Variants in ARID1A observed in about 807,000 individuals in gnomAD.
The protein encoded by ARID1A is AT-rich interactive domain-containing protein 1A.
Under a neutral mutation model 212.6 loss-of-function variants are expected in ARID1A, and 20 were observed. That is an observed-to-expected ratio of 0.09 (90% CI 0.07 to 0.14). The LOEUF is 0.14. ARID1A is among the 10% of genes least tolerant of loss of function. The pLI is 1.00. For synonymous variants in ARID1A, 1,376 were observed against 1,222.1 expected (o/e 1.13, Z -2.63); for missense variants, 2,587 against 3,059.0 (o/e 0.85, Z 3.64).
At position 26,774,482 on chromosome 1, in the gene ARID1A, G is replaced by A. The variant is rs771808733; in HGVS notation, c.4255G>A (p.Ala1419Thr). The A allele has an allele frequency of 6.2e-7, 1 of 1,613,626 alleles. No homozygotes were observed. The highest frequency in any genetic ancestry group is 8.5e-7 in the Non-Finnish European group (1 of 1,179,734). The change falls in exon 18 of 20, where the codon GCC becomes ACC. Residue 1419 changes from alanine to threonine, a missense_variant. Physicochemically the swap from Ala to Thr is moderately conservative, Grantham distance 58. Transcript: ENST00000324856. This position sits in a 1 kb window ranked among gnomAD's most constrained non-coding sequence, Gnocchi z 5.6. ...CCAGCCTGCCAGCCAGCAACAAGCT[G>A]CCCAGCCTTCCCCTCAGCAAGATGT... is the stretch of plus-strand genomic sequence containing the variant. ...QPQPASQQQA[A>T]QPSPQQDVYN... is the part of the protein sequence containing the mutation.
intron 4 of ARID1A, among the ~76,000 whole-genome samples, chr1:26,759,482 A>G (rs1161224516): frequency 6.6e-6 from 1 of 152,192 alleles, no homozygotes; most frequent in African/African-American, 2.4e-5. Flanking sequence ...GGCTGGGACT[A>G]CAGGCATGAG....
chr1:26,753,465 T>C (rs2080902147), intron 4 of ARID1A, among the ~76,000 whole-genome samples: 2 of 152,238 alleles, frequency 1.3e-5, no homozygotes. Flanking sequence ...ACTGAAGAAA[T>C]GAAGGCTTTC....
intron 4 of ARID1A, among the ~76,000 whole-genome samples, chr1:26,738,373 TAATTTA>T (rs1283203835): frequency 6.6e-6 from 1 of 152,178 alleles, no homozygotes; most frequent in Non-Finnish European, 1.5e-5. Context: ...ATCTCAAGTG[TAATTTA>T]AATTACTTAT....
At chr1:26,738,238 G>C (rs2124799222) in intron 4 of ARID1A, among the ~76,000 whole-genome samples, 1 of 152,214 alleles carries the variant, frequency 6.6e-6, no homozygotes, top group Admixed American at 6.5e-5. Context: ...TGGCCAGACT[G>C]GTCTCGAACT....
rs922383490 is a variant in ARID1A at position 26,696,664 on chromosome 1, A to C, written c.261A>C (p.Gly87=). The change falls in exon 1 of 20, where the codon GGA becomes GGC. Residue 87 remains glycine (G), a synonymous_variant. Transcript: ENST00000324856. ...GCAATGGGGGTGGCGGCGGCGGCGGAGCCGGCAGCGGCGGCGGGCCCGGCG... is the reference window on the plus strand; with the variant it reads ...GCAATGGGGGTGGCGGCGGCGGCGGCGCCGGCAGCGGCGGCGGGCCCGGCG... ...AESNGGGGGG[G]AGSGGGPGAE... 353 of 1,310,238 alleles carry C rather than the reference A, an allele frequency of 2.7e-4. 1 individual carries two copies. The highest frequency in any genetic ancestry group is 8.7e-4 in the Middle Eastern group (3 of 3,450). The allele number at this position is 1,310,238 out of a possible 1,614,324, so 81.2% of individuals were successfully genotyped here.
chr1:26,759,127 G>A (rs1055017723), intron 4 of ARID1A, among the ~76,000 whole-genome samples: 9 of 152,182 alleles, frequency 5.9e-5, no homozygotes, highest in Non-Finnish European at 8.8e-5. Context: ...TGTGTGAGCA[G>A]GAATAGACTC....
chr1:26,748,730 G>A (rs543587943), intron 4 of ARID1A, among the ~76,000 whole-genome samples: 40 of 151,804 alleles, frequency 2.6e-4, no homozygotes, highest in African/African-American at 9.7e-4. Context: ...TTGGGGGGCA[G>A]GGTGACTGGT....
intron 4 of ARID1A, among the ~76,000 whole-genome samples, chr1:26,740,179 G>A (rs1283908615): frequency 6.6e-6 from 1 of 152,038 alleles, no homozygotes; most frequent in African/African-American, 2.4e-5. Context: ...TTTTGCTATG[G>A]GTGTTATGTA....
In ARID1A at chr1:26,771,050, G is replaced by T. The variant is rs903999128; in HGVS notation, c.3199-69G>T. ...AGATGAATACCTTACAGCCTGATGGGGCTTGGGGCTTATGGGCAGGAAAAC... is the reference window on the plus strand; with the variant it reads ...AGATGAATACCTTACAGCCTGATGGTGCTTGGGGCTTATGGGCAGGAAAAC... On this transcript the variant is annotated intron_variant, in intron 11 of 19. Coordinates refer to ENST00000324856, the MANE Select transcript of ARID1A (RefSeq NM_006015.6). This position sits in a 1 kb window ranked among gnomAD's most constrained non-coding sequence, Gnocchi z 5.4. 58 of 1,414,092 alleles carry T rather than the reference G, an allele frequency of 4.1e-5. No individual in the cohort carries two copies. Among genetic ancestry groups the T allele is most frequent in the Non-Finnish European group, 5.7e-5 (57 of 1,000,694 alleles). 87.6% of individuals were successfully genotyped at this position (1,414,092 alleles called of 1,614,324 possible). A position where few individuals can be genotyped will look rare whatever the true frequency, so the allele number is the denominator to read the frequency against.
rs2124107157 is a variant in ARID1A at position 26,772,876 on chromosome 1, C to T, written c.3604C>T (p.Arg1202Trp). The T allele has an allele frequency of 6.8e-6, 11 of 1,614,102 alleles. No individual in the cohort carries two copies. Among genetic ancestry groups the T allele is most frequent in the Non-Finnish European group, 8.5e-6 (10 of 1,180,038 alleles). ...TGGAAGTGACTCCACATTCCAGAAG[C>T]GGAATTCCATGACTCCAAACCCTGG... The part of the protein sequence containing the change: ...NDGSDSTFQK[R>W]NSMTPNPGYQ... The change falls in exon 14 of 20, where the codon CGG (arginine) becomes TGG (tryptophan). Residue 1202 changes from arginine to tryptophan, a missense_variant. Physicochemically the swap from Arg to Trp is moderately radical, Grantham distance 101. Transcript: ENST00000324856.
At chr1:26,726,754 A>G (rs1382259516) in intron 1 of ARID1A, among the ~76,000 whole-genome samples, 1 of 152,232 alleles carries the variant, frequency 6.6e-6, no homozygotes, top group Non-Finnish European at 1.5e-5. Flanking sequence ...AAGATAAAAC[A>G]CCTGATCTCT....
At position 26,779,780 on chromosome 1, in the gene ARID1A, G is replaced by C; in HGVS notation, c.5882G>C (p.Ser1961Thr). 1 of 1,614,164 alleles carries C rather than the reference G, an allele frequency of 6.2e-7. No homozygotes were observed. Residue 1961 changes from serine (S) to threonine (T), a missense_variant, in exon 20 of 20, where the codon AGT becomes ACT. Transcript: ENST00000324856. ...NIKILEDEPH[S>T]KDETPLCTLL... Reference sequence around the variant, plus strand: ...AAGATCCTAGAGGACGAACCCCACAGTAAGGATGAGACCCCACTGTGTACC... The same window carrying C: ...AAGATCCTAGAGGACGAACCCCACACTAAGGATGAGACCCCACTGTGTACC...
chr1:26,761,118 T>C (rs374985656), intron 5 of ARID1A, 22 bp downstream of exon 5: 4 of 1,610,796 alleles, frequency 2.5e-6, no homozygotes, highest in Non-Finnish European at 3.4e-6. Flanking sequence ...TGCTGGGCTT[T>C]AGGGAGAGGG....
chr1:26,756,305 C>T (rs140935435), intron 4 of ARID1A, among the ~76,000 whole-genome samples: 1,646 of 151,944 alleles, frequency 0.011, 32 homozygotes, highest in African/African-American at 0.038. Flanking sequence ...CCTGTAATAC[C>T]GGCATTTTGG....
chr1:26,775,854 G>C, intron 19 of ARID1A, 147 bp downstream of exon 19: 1 of 1,190,622 alleles, frequency 8.4e-7, no homozygotes, highest in Non-Finnish European at 1.2e-6. Flanking sequence ...CTTTGCCTCT[G>C]GGCACGGGCC....
intron 19 of ARID1A, 63 bp from the exon 20 acceptor site, chr1:26,778,960 C>A: frequency 6.8e-7 from 1 of 1,463,398 alleles, no homozygotes; most frequent in South Asian, 1.5e-5. Context: ...TCTCTCAAGT[C>A]AATAATTCTG....
At chr1:26,709,757 A>T (rs180776105) in intron 1 of ARID1A, among the ~76,000 whole-genome samples, 27 of 150,738 alleles carry the variant, frequency 1.8e-4, no homozygotes, top group Non-Finnish European at 2.7e-4. Context: ...ACCTCAAGCA[A>T]TCTTCCTTCC....
In ARID1A at chr1:26,773,877, A is replaced by G; in HGVS notation, c.4080A>G (p.Thr1360=). 6.2e-7 allele frequency: 1 copy of G among 1,614,112 alleles called. No homozygotes were observed. Among genetic ancestry groups the G allele is most frequent in the Non-Finnish European group, 8.5e-7 (1 of 1,180,006 alleles). The change falls in exon 17 of 20, where the codon ACA becomes ACG. Residue 1360 remains threonine, a synonymous_variant. Transcript: ENST00000324856. ...GCCCCTTCCCCAGCCAGCAGACTAC[A>G]ATGTATCAACAGCAACAGCAGGTGA... ...SGSPFPSQQT[T]MYQQQQQNYK... is the part of the protein sequence containing the mutation.
intron 4 of ARID1A, among the ~76,000 whole-genome samples, chr1:26,738,974 G>A (rs1240383298): frequency 1.3e-5 from 2 of 149,230 alleles, no homozygotes; most frequent in Admixed American, 6.8e-5. Flanking sequence ...TGCAAGCTCC[G>A]CCTCCCGGGT....
Sources: gnomAD v4.1 joint callset for allele counts (sites outside exome capture counted in the v4.1 genomes callset) on GRCh38, gnomAD v4.1.1 for gene constraint, Gnocchi (gnomAD v3.1) non-coding constraint, MANE v1.5 for transcripts, NCBI Gene and HGNC (gene_info 2026-07-23, HGNC 2026-07-21) for gene names.